The following ADCY2 variants were observed in gnomAD, a reference collection of about 807,000 sequenced individuals.
ADCY2 encodes the protein adenylate cyclase type 2.
A neutral mutation model predicts 125.2 loss-of-function variants in ADCY2; 31 were observed. The ratio of observed to expected loss-of-function variants is 0.25; its 90% CI spans 0.19 to 0.33. ADCY2 has a LOEUF of 0.33. Among genes scored for constraint, ADCY2 ranks in the 10% least tolerant of loss-of-function variants. ADCY2 has a pLI of 1.00. For synonymous variants in ADCY2, 512 were observed against 548.4 expected (o/e 0.93, Z 0.93); for missense variants, 904 against 1,418.2 (o/e 0.64, Z 5.82).
chr5:7,813,136 G>A (rs1419628053), intron 22 of ADCY2, among the ~76,000 whole-genome samples: 1 of 152,186 alleles, frequency 6.6e-6, no homozygotes, highest in Non-Finnish European at 1.5e-5. Flanking sequence ...GGAGAAGTCT[G>A]ATGAGATCTC....
intron 4 of ADCY2, among the ~76,000 whole-genome samples, chr5:7,643,587 C>A (rs746836180): frequency 1.1e-4 from 16 of 151,632 alleles, no homozygotes; most frequent in Admixed American, 2.0e-4. Flanking sequence ...AAATTTATAA[C>A]ACCTTAACAA....
At chr5:7,492,762 G>C (rs1427445756) in intron 2 of ADCY2, among the ~76,000 whole-genome samples, 1 of 152,144 alleles carries the variant, frequency 6.6e-6, no homozygotes, top group Non-Finnish European at 1.5e-5. Context: ...GCAGAGTCCA[G>C]TTTGGGGAGG....
intron 22 of ADCY2, among the ~76,000 whole-genome samples, chr5:7,813,528 TG>T (rs1745008024): frequency 1.3e-5 from 2 of 152,174 alleles, no homozygotes; most frequent in African/African-American, 2.4e-5. Context: ...GTTAAATAGC[TG>T]GGGATATGTA....
chr5:7,439,088 T>G (rs1740912841), intron 2 of ADCY2, among the ~76,000 whole-genome samples: 1 of 152,214 alleles, frequency 6.6e-6, no homozygotes, highest in African/African-American at 2.4e-5. Context: ...AAAGCAGAAT[T>G]AGGAAGACAT....
intron 7 of ADCY2, among the ~76,000 whole-genome samples, chr5:7,704,970 T>C (rs1042262062): frequency 1.6e-4 from 25 of 152,128 alleles, no homozygotes; most frequent in African/African-American, 5.3e-4. Context: ...ACGGTTTTAA[T>C]GTTTTAACCA....
chr5:7,741,735 C>T (rs56108126), intron 14 of ADCY2, among the ~76,000 whole-genome samples: 3 of 109,388 alleles, frequency 2.7e-5, no homozygotes, highest in South Asian at 3.4e-4. Context: ...TCATCATCAC[C>T]ATCACCATCA....
At chr5:7,658,097 A>G (rs937363916) in intron 4 of ADCY2, 1 of 152,256 alleles carries the variant, frequency 6.6e-6, no homozygotes, top group South Asian at 2.1e-4. Context: ...AGAGGCAGAT[A>G]TCAAAGCTGA....
intron 2 of ADCY2, among the ~76,000 whole-genome samples, chr5:7,468,680 C>T (rs1019481136): frequency 1.3e-5 from 2 of 152,018 alleles, no homozygotes; most frequent in African/African-American, 4.8e-5. Flanking sequence ...TAGCTAAAAC[C>T]CTCCTATTTA....
intron 4 of ADCY2, among the ~76,000 whole-genome samples, chr5:7,662,188 C>G (rs960116117): frequency 1.3e-5 from 2 of 152,156 alleles, no homozygotes; most frequent in Non-Finnish European, 2.9e-5. Flanking sequence ...AAAATAATTT[C>G]TAGATTTTAG....
rs76153453 is a variant in ADCY2 at position 7,607,698 on chromosome 5, A to G, written c.571-18469A>G. Among the ~76,000 whole-genome samples, 223 of 152,360 alleles carry G rather than the reference A, an allele frequency of 1.5e-3. 4 individuals are homozygous for G. The East Asian group carries it at 0.022, about 15-fold the overall frequency. ...TCCCTAACCAGAGCATAGTTTATAA[A>G]TGAAATTTGCATTTATATATGATGG... On this transcript the variant is annotated intron_variant, in intron 3 of 24. Transcript: ENST00000338316.
intron 24 of ADCY2, among the ~76,000 whole-genome samples, chr5:7,822,886 T>A (rs1325660758): frequency 6.6e-6 from 1 of 152,250 alleles, no homozygotes; most frequent in African/African-American, 2.4e-5. Flanking sequence ...TATAGATTTA[T>A]CATGGTGGTC....
intron 8 of ADCY2, 80 bp downstream of exon 8, chr5:7,706,982 G>C (rs1376417580): frequency 3.2e-6 from 5 of 1,552,206 alleles, no homozygotes; most frequent in Non-Finnish European, 4.4e-6. Context: ...ATGACGGAGT[G>C]CTCAGTTTTT....
intron 1 of ADCY2, among the ~76,000 whole-genome samples, chr5:7,399,385 G>GA (rs1173501507): frequency 1.3e-5 from 2 of 151,990 alleles, no homozygotes; most frequent in Non-Finnish European, 2.9e-5. Flanking sequence ...ATACTAAAAA[G>GA]AAAAAAGCAA....
intron 3 of ADCY2, among the ~76,000 whole-genome samples, chr5:7,612,059 T>A: frequency 6.6e-6 from 1 of 152,166 alleles, no homozygotes; most frequent in Non-Finnish European, 1.5e-5. Context: ...TACACAGAGC[T>A]CTTAATCGAA....
At chr5:7,412,874 C>G (rs1739777635) in intron 1 of ADCY2, among the ~76,000 whole-genome samples, 1 of 152,224 alleles carries the variant, frequency 6.6e-6, no homozygotes, top group Non-Finnish European at 1.5e-5. Context: ...CCCCATCCTG[C>G]CTGCCCCTAC....
chr5:7,784,014 CT>C (rs1197196419), intron 18 of ADCY2, among the ~76,000 whole-genome samples: 1 of 152,210 alleles, frequency 6.6e-6, no homozygotes, highest in Non-Finnish European at 1.5e-5. Flanking sequence ...CATACTGTCT[CT>C]TTCCGAGAGT....
intron 18 of ADCY2, among the ~76,000 whole-genome samples, chr5:7,781,561 G>T (rs1743922820): frequency 6.6e-6 from 1 of 152,182 alleles, no homozygotes; most frequent in South Asian, 2.1e-4. Context: ...TACCTGAAGT[G>T]AGACCAAGGC....
chr5:7,811,279 G>T (rs555249221), intron 22 of ADCY2, among the ~76,000 whole-genome samples: 2 of 152,090 alleles, frequency 1.3e-5, no homozygotes, highest in Non-Finnish European at 2.9e-5. Flanking sequence ...AAGGCGGGTG[G>T]ATCATGAGGT....
Position 7,539,773 on chromosome 5 carries a change from G to A in ADCY2, c.570+18874G>A, listed in dbSNP as rs961481615. On this transcript the variant is annotated intron_variant, in intron 3 of 24. Coordinates refer to ENST00000338316, the MANE Select transcript of ADCY2 (RefSeq NM_020546.3). ...CTCTAGGAACAGCTAAGGACAGCAC[G>A]TCAGCAAATGGTGTGACTGTTGGCC... is the stretch of plus-strand genomic sequence containing the variant. Among the ~76,000 whole-genome samples, 9 of 152,188 alleles carry A rather than the reference G, an allele frequency of 5.9e-5. No individual in the cohort carries two copies. The South Asian group carries it at 6.2e-4, about 10-fold the overall frequency.
Sources: gnomAD v4.1 joint callset for allele counts (sites outside exome capture counted in the v4.1 genomes callset) on GRCh38, gnomAD v4.1.1 for gene constraint, MANE v1.5 for transcripts, NCBI Gene and HGNC (gene_info 2026-07-23, HGNC 2026-07-21) for gene names.